HPCAL1: variants seen among roughly 807,000 people sequenced by gnomAD.
HPCAL1 encodes the protein hippocalcin-like protein 1.
Under a neutral mutation model 17.1 loss-of-function variants are expected in HPCAL1, and 8 were observed. The observed-to-expected ratio is 0.47, with a 90% CI of 0.27 to 0.84. The LOEUF is 0.84. HPCAL1 is among the 40% of genes least tolerant of loss of function. The pLI, the probability that HPCAL1 is intolerant of heterozygous loss-of-function variation, is 0.13. For missense variants in HPCAL1, 165 were observed against 271.1 expected, an observed-to-expected ratio of 0.61 and a Z score of 2.75; for synonymous variants, 112 against 111.4, an observed-to-expected ratio of 1.01 and a Z score of -0.03.
chr2:10,408,715 G>C (rs902323663), intron 2 of HPCAL1: 2 of 152,250 alleles, frequency 1.3e-5, no homozygotes, highest in African/African-American at 4.8e-5. Flanking sequence ...GCTGAAAAGA[G>C]AACCGTGTGG....
chr2:10,374,163 C>T (rs908263889), intron 1 of HPCAL1, among the ~76,000 whole-genome samples: 3 of 152,104 alleles, frequency 2.0e-5, no homozygotes, highest in Admixed American at 6.5e-5. Context: ...CTAAGTCCCC[C>T]GAGTCTCGAA....
At chr2:10,360,723 A>G (rs1666470744) in intron 1 of HPCAL1, among the ~76,000 whole-genome samples, 1 of 152,028 alleles carries the variant, frequency 6.6e-6, no homozygotes, top group African/African-American at 2.4e-5. Context: ...GAATCTTATC[A>G]CACATTCCTT....
chr2:10,422,168 C>T (rs1458602768), intron 3 of HPCAL1, among the ~76,000 whole-genome samples: 4 of 152,216 alleles, frequency 2.6e-5, no homozygotes, highest in Non-Finnish European at 5.9e-5. Flanking sequence ...AGCCTTCCCC[C>T]GACGCCATCG....
intron 1 of HPCAL1, among the ~76,000 whole-genome samples, chr2:10,392,268 T>G (rs1668750221): frequency 6.6e-6 from 1 of 151,166 alleles, no homozygotes; most frequent in Admixed American, 6.6e-5. Flanking sequence ...CTCGCAGTGC[T>G]GGGCTCAAGC....
intron 1 of HPCAL1, among the ~76,000 whole-genome samples, chr2:10,326,125 T>A (rs1663999662): frequency 6.6e-6 from 1 of 152,230 alleles, no homozygotes; most frequent in Admixed American, 6.5e-5. Context: ...AGGGTACTCA[T>A]GCCTGTTAGG....
At chr2:10,333,504 G>C (rs1664515954) in intron 1 of HPCAL1, among the ~76,000 whole-genome samples, 2 of 152,152 alleles carry the variant, frequency 1.3e-5, no homozygotes, top group South Asian at 2.1e-4. Context: ...CCAGCCTCCT[G>C]TGGCCCAGCA....
At chr2:10,413,754 G>A (rs781139381) in intron 2 of HPCAL1, among the ~76,000 whole-genome samples, 18 of 152,220 alleles carry the variant, frequency 1.2e-4, no homozygotes, top group Non-Finnish European at 1.6e-4. Flanking sequence ...CAATGGGATC[G>A]GTAAGAACAT....
rs975426101 is a variant in HPCAL1, at chr2:10,427,492, T to C, written c.*671T>C. The C allele has an allele frequency of 6.6e-6, 1 of 152,322 alleles. No homozygotes were observed. Among genetic ancestry groups the C allele is most frequent in the Non-Finnish European group, 1.5e-5 (1 of 68,120 alleles). The allele number at this position is 152,322 out of a possible 1,614,324, so 9.4% of individuals were successfully genotyped here. On this transcript the variant is annotated 3_prime_UTR_variant, in exon 5 of 5. Transcript: ENST00000307845. ...GCCTGTTTCTAAGGAAATGCATGTG[T>C]GCCCTGAGCCGTGATGATCCTCCCA...
At chr2:10,340,560 G>T (rs575255013) in intron 1 of HPCAL1, among the ~76,000 whole-genome samples, 1 of 152,346 alleles carries the variant, frequency 6.6e-6, no homozygotes, top group Admixed American at 6.5e-5. Context: ...CATACCTGTT[G>T]GCACCATGGG....
chr2:10,353,713 C>T (rs541848376), intron 1 of HPCAL1, among the ~76,000 whole-genome samples: 4 of 152,282 alleles, frequency 2.6e-5, no homozygotes, highest in African/African-American at 4.8e-5. Flanking sequence ...GGATTATAGG[C>T]GTGTGCCGCT....
At chr2:10,392,292 T>G (rs952646385) in intron 1 of HPCAL1, among the ~76,000 whole-genome samples, 1 of 152,054 alleles carries the variant, frequency 6.6e-6, no homozygotes, top group African/African-American at 2.4e-5. Flanking sequence ...CCTCCCACCT[T>G]GGCCTCCCTT....
intron 1 of HPCAL1, among the ~76,000 whole-genome samples, chr2:10,333,324 A>G (rs1294717088): frequency 6.6e-6 from 1 of 152,186 alleles, no homozygotes; most frequent in Non-Finnish European, 1.5e-5. Flanking sequence ...ACGTTTCTCC[A>G]TCTGACCCCT....
intron 2 of HPCAL1, among the ~76,000 whole-genome samples, chr2:10,411,520 C>T (rs539848837): frequency 2.0e-5 from 3 of 152,194 alleles, no homozygotes; most frequent in Non-Finnish European, 4.4e-5. Context: ...TTCCAAATGC[C>T]GTTGTCCTAG....
intron 1 of HPCAL1, among the ~76,000 whole-genome samples, chr2:10,366,789 G>A (rs1053630711): frequency 3.9e-5 from 6 of 152,212 alleles, no homozygotes; most frequent in African/African-American, 7.2e-5. Context: ...TCTGTGGTAC[G>A]GGCTTTCTGC....
intron 1 of HPCAL1, among the ~76,000 whole-genome samples, chr2:10,346,931 G>A (rs1454366629): frequency 7.1e-6 from 1 of 141,424 alleles, no homozygotes; most frequent in Non-Finnish European, 1.5e-5. Context: ...TTAAACATTT[G>A]TTCCTCTTGT....
At chr2:10,357,564 T>C (rs1195857234) in intron 1 of HPCAL1, among the ~76,000 whole-genome samples, 1 of 151,476 alleles carries the variant, frequency 6.6e-6, no homozygotes, top group Admixed American at 6.6e-5. Context: ...CTCCGCGGAG[T>C]GTGTTAGGAA....
chr2:10,374,685 C>G (rs1284429150), intron 1 of HPCAL1, among the ~76,000 whole-genome samples: 1 of 152,206 alleles, frequency 6.6e-6, no homozygotes, highest in East Asian at 1.9e-4. Context: ...TTGGAAAGGG[C>G]CTGGGGTTGA....
rs2148053869 is a variant in HPCAL1 at position 10,426,465 on chromosome 2, C to T, written c.485-259C>T. On this transcript the variant is annotated intron_variant, in intron 4 of 4. Transcript: ENST00000307845. Reference sequence around the variant, plus strand: ...GATTTCTAAAAGGATTTAAATGGCCCTCATCAGCCACGTCCTGCTGAGCTT... The same window carrying T: ...GATTTCTAAAAGGATTTAAATGGCCTTCATCAGCCACGTCCTGCTGAGCTT... The T allele has an allele frequency of 1.1e-5, 5 of 464,808 alleles. No homozygotes were observed. The South Asian group carries it at 1.3e-4, about 12-fold the overall frequency. 28.8% of individuals were successfully genotyped at this position (464,808 alleles called of 1,614,324 possible).
chr2:10,376,609 T>C (rs1049378449), intron 1 of HPCAL1, among the ~76,000 whole-genome samples: 2 of 152,084 alleles, frequency 1.3e-5, no homozygotes, highest in Non-Finnish European at 2.9e-5. Flanking sequence ...TTAATTTTTG[T>C]ATTTTTTAGT....
Sources: gnomAD v4.1 joint callset for allele counts (sites outside exome capture counted in the v4.1 genomes callset) on GRCh38, gnomAD v4.1.1 for gene constraint, MANE v1.5 for transcripts, NCBI Gene and HGNC (gene_info 2026-07-23, HGNC 2026-07-21) for gene names.